The following ZRANB1 variants were observed in gnomAD, a reference collection of about 807,000 sequenced individuals.
ZRANB1 encodes the protein zinc finger RANBP2-type containing 1.
In ZRANB1, 16 loss-of-function variants were observed where a neutral mutation model predicts 80.5. That is an observed-to-expected ratio of 0.20 (90% confidence interval 0.13 to 0.30). The LOEUF (loss-of-function observed/expected upper bound fraction) is 0.30, where lower values mean the gene tolerates loss of function less well. ZRANB1 is among the 10% of genes least tolerant of loss of function. ZRANB1 has a pLI of 1.00. For missense variants in ZRANB1, 576 were observed against 862.6 expected, an observed-to-expected ratio of 0.67 and a Z score of 4.16; for synonymous variants, 291 against 293.1, an observed-to-expected ratio of 0.99 and a Z score of 0.07.
At chr10:124,978,690 ATCT>A (rs769799001) in intron 5 of ZRANB1, among the ~76,000 whole-genome samples, 1 of 151,864 alleles carries the variant, frequency 6.6e-6, no homozygotes, top group Non-Finnish European at 1.5e-5. Context: ...CAGTGGTGCG[ATCT>A]TGGCTCACTG....
At chr10:124,978,484 G>A (rs1589855371) in intron 5 of ZRANB1, among the ~76,000 whole-genome samples, 2 of 152,158 alleles carry the variant, frequency 1.3e-5, no homozygotes, top group African/African-American at 4.8e-5. Flanking sequence ...TTGGATACCC[G>A]TGATTTTAGC....
chr10:124,948,236 G>T (rs185517874), intron 1 of ZRANB1, among the ~76,000 whole-genome samples: 1 of 152,168 alleles, frequency 6.6e-6, no homozygotes, highest in East Asian at 1.9e-4. Context: ...TCTTCCTTAT[G>T]ATTTTCTTAA....
At chr10:124,968,795 G>T (rs1589851010) in intron 2 of ZRANB1, among the ~76,000 whole-genome samples, 1 of 152,170 alleles carries the variant, frequency 6.6e-6, no homozygotes, top group South Asian at 2.1e-4. Context: ...GAGTCATTGA[G>T]CTCCTGAGAC....
chr10:124,949,153 A>T (rs1006663721), intron 1 of ZRANB1, among the ~76,000 whole-genome samples: 1 of 152,144 alleles, frequency 6.6e-6, no homozygotes, highest in Non-Finnish European at 1.5e-5. Context: ...CTACCTCCCT[A>T]CTTTCACTCA....
chr10:124,919,546 C>A, the ZRANB1 span, among the ~76,000 whole-genome samples: 2 of 148,450 alleles, frequency 1.3e-5, no homozygotes, highest in Admixed American at 1.3e-4. Flanking sequence ...GACTCCATTT[C>A]AAAACAAAAC....
intron 5 of ZRANB1, among the ~76,000 whole-genome samples, chr10:124,978,793 A>ATTTTTTTTTTTT (rs35714295): frequency 8.7e-6 from 1 of 115,436 alleles, no homozygotes. Flanking sequence ...TTCCCAGCTA[A>ATTTTTTTTTTTT]TTTTTTTTTT....
In ZRANB1 at chr10:124,963,554, GTT is replaced by G. The variant is rs760813299; in HGVS notation, c.815-3018_815-3017del. Among the ~76,000 whole-genome samples, 205 of 57,490 alleles carry G rather than the reference GTT, an allele frequency of 3.6e-3. 2 individuals carry two copies. Among genetic ancestry groups the G allele is most frequent in the African/African-American group, 6.8e-3 (109 of 16,106 alleles). The allele number at this position is 57,490 out of a possible 152,430, so 37.7% of individuals were successfully genotyped here. On this transcript the variant is annotated intron_variant, in intron 1 of 8. Transcript: ENST00000359653. ...ATTGTAAGGTTTTTTTTTTTTGTTT[GTT>G]TTTTTTTTTTTTTTTTTTTTTGGGC... is the stretch of plus-strand genomic sequence containing the variant.
intron 1 of ZRANB1, among the ~76,000 whole-genome samples, chr10:124,964,083 G>C (rs1951758668): frequency 6.6e-6 from 1 of 152,226 alleles, no homozygotes; most frequent in Non-Finnish European, 1.5e-5. Flanking sequence ...AGAGCATGGA[G>C]TAGGAGGGAC....
the ZRANB1 span, among the ~76,000 whole-genome samples, chr10:124,928,306 A>C: frequency 4.6e-5 from 7 of 152,202 alleles, no homozygotes. Context: ...GAGGTTGGAA[A>C]GGCACTCTTA....
intron 1 of ZRANB1, among the ~76,000 whole-genome samples, chr10:124,958,567 A>G (rs1244648107): frequency 1.3e-5 from 2 of 152,132 alleles, no homozygotes; most frequent in African/African-American, 2.4e-5. Context: ...TTACTTTTAC[A>G]TAGTTGAGAT....
At chr10:124,954,260 A>G (rs1468248223) in intron 1 of ZRANB1, among the ~76,000 whole-genome samples, 1 of 143,874 alleles carries the variant, frequency 7.0e-6, no homozygotes, top group Non-Finnish European at 1.5e-5. Flanking sequence ...CTCTGGGATT[A>G]CAGGCGTGAG....
intron 1 of ZRANB1, chr10:124,962,553 T>G: frequency 3.6e-6 from 1 of 275,850 alleles, no homozygotes; most frequent in Non-Finnish European, 5.5e-6. Context: ...TCTAAATATC[T>G]ATGAGCCAGC....
intron 1 of ZRANB1, among the ~76,000 whole-genome samples, chr10:124,960,264 C>A (rs1951722345): frequency 6.6e-6 from 1 of 151,948 alleles, no homozygotes; most frequent in Non-Finnish European, 1.5e-5. Flanking sequence ...TAATTGGAGA[C>A]CTTAGTAAGA....
At chr10:124,922,646 C>A in the ZRANB1 span, among the ~76,000 whole-genome samples, 1 of 151,436 alleles carries the variant, frequency 6.6e-6, no homozygotes, top group Non-Finnish European at 1.5e-5. Context: ...GCACGTGCCA[C>A]CATGCCCAGC....
rs1481384413 is a variant in ZRANB1, at chr10:124,987,574, G to A, written c.*2582G>A. On this transcript the variant is annotated 3_prime_UTR_variant, in exon 9 of 9. Transcript: ENST00000359653. ...CATTGCCTCTTTGATGAGTGGTTAC[G>A]AAGACGTTAAACTACCTTTTTGTTC... 1 of 152,046 alleles carries A rather than the reference G, an allele frequency of 6.6e-6. No homozygotes were observed. Among genetic ancestry groups the A allele is most frequent in the Admixed American group, 6.6e-5 (1 of 15,242 alleles). 9.4% of individuals were successfully genotyped at this position (152,046 alleles called of 1,614,324 possible).
chr10:124,944,270 A>G (rs1342647833), intron 1 of ZRANB1, among the ~76,000 whole-genome samples: 1 of 152,116 alleles, frequency 6.6e-6, no homozygotes, highest in Non-Finnish European at 1.5e-5. Flanking sequence ...TTATGAGGGA[A>G]ATTTTGAATG....
intron 5 of ZRANB1, among the ~76,000 whole-genome samples, chr10:124,980,959 CTTTTGTT>C (rs1302205109): frequency 6.6e-6 from 1 of 152,122 alleles, no homozygotes; most frequent in East Asian, 1.9e-4. Flanking sequence ...ACAGATTGGT[CTTTTGTT>C]TCTTTTACCT....
the ZRANB1 span, among the ~76,000 whole-genome samples, chr10:124,934,109 G>A: frequency 2.0e-5 from 3 of 152,094 alleles, no homozygotes; most frequent in African/African-American, 4.8e-5. Context: ...ATTTAAATTC[G>A]TTACATTTTG....
At position 124,984,871 on chromosome 10, in the gene ZRANB1, G is replaced by T. The variant is rs1437456997; in HGVS notation, c.2006G>T (p.Arg669Leu). ...GVLVAMQKSS[R>L]RRNHPLVTQM... The stretch of plus-strand genomic sequence containing the variant: ...CTGGTTGCCATGCAGAAGAGTTCTC[G>T]GCGGCGAAATCACCCCCTGGTCACT... The change falls in exon 9 of 9, where the codon CGG (arginine) becomes CTG (leucine). Residue 669 changes from arginine (R) to leucine (L), a missense_variant. By Grantham distance (102) the Arg-to-Leu change is moderately radical. Coordinates refer to ENST00000359653, the MANE Select transcript of ZRANB1 (RefSeq NM_017580.3). The T allele has an allele frequency of 6.8e-6, 11 of 1,613,984 alleles. No homozygotes were observed. Among genetic ancestry groups the T allele is most frequent in the Non-Finnish European group, 8.5e-6 (10 of 1,180,000 alleles).
Sources: gnomAD v4.1 joint callset for allele counts (sites outside exome capture counted in the v4.1 genomes callset) on GRCh38, gnomAD v4.1.1 for gene constraint, MANE v1.5 for transcripts, NCBI Gene and HGNC (gene_info 2026-07-23, HGNC 2026-07-21) for gene names.